The following HSPA12A variants were observed in gnomAD, a reference collection of about 807,000 sequenced individuals.
HSPA12A encodes the protein heat shock protein family A (Hsp70) member 12A.
A neutral mutation model predicts 69.2 loss-of-function variants in HSPA12A; 28 were observed. That is an observed-to-expected ratio of 0.40 (90% CI 0.30 to 0.55). The LOEUF (loss-of-function observed/expected upper bound fraction) is 0.55. HSPA12A is among the 20% of genes least tolerant of loss of function. The probability of loss-of-function intolerance (pLI) is 0.38; values close to 1 mark genes in which losing one functional copy is unlikely to be tolerated. For missense variants in HSPA12A, 686 were observed against 900.7 expected, an observed-to-expected ratio of 0.76 and a Z score of 3.05; for synonymous variants, 345 against 370.5, an observed-to-expected ratio of 0.93 and a Z score of 0.79.
chr10:116,788,633 G>T (rs1384746415), intron 2 of HSPA12A, among the ~76,000 whole-genome samples: 5 of 148,208 alleles, frequency 3.4e-5, no homozygotes, highest in Non-Finnish European at 7.4e-5. Context: ...ATAGCAATGG[G>T]ACTGTGCAAC....
upstream of HSPA12A, chr10:116,849,871 A>G: frequency 1.0e-6 from 1 of 978,402 alleles, no homozygotes; most frequent in South Asian, 1.4e-5. Flanking sequence ...TGTGCGGAGG[A>G]GACTTCTGGA....
chr10:116,839,472 A>G (rs2133220321), intron 1 of HSPA12A, among the ~76,000 whole-genome samples: 1 of 152,268 alleles, frequency 6.6e-6, no homozygotes, highest in East Asian at 1.9e-4. Context: ...TTTGACAGGG[A>G]TCACAGCTCC....
At chr10:116,749,271 C>T (rs2133083013) in intron 2 of HSPA12A, among the ~76,000 whole-genome samples, 1 of 152,324 alleles carries the variant, frequency 6.6e-6, no homozygotes. Flanking sequence ...ACTTGCTGGG[C>T]TCTTCCTACC....
intron 2 of HSPA12A, among the ~76,000 whole-genome samples, chr10:116,801,550 G>A (rs1844954634): frequency 6.6e-6 from 1 of 152,092 alleles, no homozygotes; most frequent in African/African-American, 2.4e-5. Context: ...ACGAACAGCT[G>A]CCTTGCACTG....
chr10:116,752,245 G>A (rs1346474943), intron 2 of HSPA12A, among the ~76,000 whole-genome samples: 1 of 152,212 alleles, frequency 6.6e-6, no homozygotes, highest in Non-Finnish European at 1.5e-5. Context: ...GCCCTGCCAA[G>A]AGCCTGGAGG....
At chr10:116,837,346 C>T (rs967599392) in intron 1 of HSPA12A, among the ~76,000 whole-genome samples, 4 of 152,154 alleles carry the variant, frequency 2.6e-5, no homozygotes, top group African/African-American at 7.2e-5. Flanking sequence ...CCATGCTGCC[C>T]GCTACCAATC....
intron 2 of HSPA12A, among the ~76,000 whole-genome samples, chr10:116,767,020 G>A (rs1449767924): frequency 6.6e-6 from 1 of 152,124 alleles, no homozygotes; most frequent in African/African-American, 2.4e-5. Flanking sequence ...AACGCCTGCT[G>A]GGGTCTGCCC....
intron 2 of HSPA12A, among the ~76,000 whole-genome samples, chr10:116,760,116 C>T (rs1843936931): frequency 6.6e-6 from 1 of 152,176 alleles, no homozygotes; most frequent in African/African-American, 2.4e-5. Flanking sequence ...AGAGCAGCAC[C>T]TATTTTTGCT....
chr10:116,701,186 A>C, intron 3 of HSPA12A, 57 bp from the exon 4 acceptor site: 1 of 1,559,026 alleles, frequency 6.4e-7, no homozygotes, highest in Non-Finnish European at 8.8e-7. Context: ...CAATTCAGGC[A>C]GCACAGATTT....
In HSPA12A at chr10:116,710,667, C is replaced by T. The variant is rs1850395409; in HGVS notation, c.41-3382G>A. On this transcript the variant is annotated intron_variant, in intron 1 of 11. Coordinates refer to ENST00000369209, the MANE Select transcript of HSPA12A (RefSeq NM_025015.3). The surrounding 1 kb of genome is among the most constrained non-coding windows in gnomAD (Gnocchi z 4.1). ...CATCAGAAGTTAAAATTCAGCTACA[C>T]TGTGCAATGATTGAAAACTGATCTG... 6.6e-6 allele frequency among the ~76,000 whole-genome samples: 1 copy of T among 152,208 alleles called. No individual in the cohort carries two copies. Among genetic ancestry groups the T allele is most frequent in the South Asian group, 2.1e-4 (1 of 4,824 alleles).
chr10:116,802,790 C>T (rs922426670), intron 2 of HSPA12A, among the ~76,000 whole-genome samples: 1 of 152,238 alleles, frequency 6.6e-6, no homozygotes, highest in Non-Finnish European at 1.5e-5. Context: ...GACATCCTTC[C>T]CTGCCCACTG....
intron 2 of HSPA12A, among the ~76,000 whole-genome samples, chr10:116,798,383 C>T (rs1213009703): frequency 6.6e-6 from 1 of 152,174 alleles, no homozygotes; most frequent in Non-Finnish European, 1.5e-5. Context: ...CAAGTTGGCC[C>T]CCCTGCTGGC....
At chr10:116,794,973 G>T (rs1355954533) in intron 2 of HSPA12A, among the ~76,000 whole-genome samples, 8 of 152,120 alleles carry the variant, frequency 5.3e-5, no homozygotes, top group African/African-American at 1.9e-4. Flanking sequence ...AAACTTATAA[G>T]ATGTAACTTG....
upstream of HSPA12A, among the ~76,000 whole-genome samples, chr10:116,744,348 G>T (rs1299299884): frequency 6.6e-6 from 1 of 152,202 alleles, no homozygotes; most frequent in African/African-American, 2.4e-5. Context: ...TGGCCAGGGG[G>T]GCCCTCCTCA....
At chr10:116,747,300 T>C (rs111409700), upstream of HSPA12A, among the ~76,000 whole-genome samples, 305 of 152,350 alleles carry the variant, frequency 2.0e-3, 1 homozygote, top group Non-Finnish European at 3.0e-3. Flanking sequence ...AATGTAAACT[T>C]TAGAAATGCC....
intron 1 of HSPA12A, among the ~76,000 whole-genome samples, chr10:116,711,783 C>T (rs1850439708): frequency 6.6e-6 from 1 of 151,440 alleles, no homozygotes. Context: ...CCTGCCTCAG[C>T]CTCCCGAGTA....
chr10:116,698,365 C>A, intron 5 of HSPA12A: 2 of 332,690 alleles, frequency 6.0e-6, no homozygotes, highest in African/African-American at 2.1e-5. Context: ...TTCATTTCTC[C>A]ACCCAGGAGT....
intron 2 of HSPA12A, among the ~76,000 whole-genome samples, chr10:116,758,439 G>A (rs1364174222): frequency 6.6e-6 from 1 of 152,130 alleles, no homozygotes; most frequent in East Asian, 1.9e-4. Context: ...AGTTGCCCAG[G>A]ACCACCCGGC....
At chr10:116,788,543 T>G (rs1032288512) in intron 2 of HSPA12A, among the ~76,000 whole-genome samples, 18 of 152,208 alleles carry the variant, frequency 1.2e-4, no homozygotes, top group African/African-American at 3.9e-4. Flanking sequence ...CACCAGGCTG[T>G]GATCTGTAGC....
Sources: gnomAD v4.1 joint callset for allele counts (sites outside exome capture counted in the v4.1 genomes callset) on GRCh38, gnomAD v4.1.1 for gene constraint, Gnocchi (gnomAD v3.1) non-coding constraint, MANE v1.5 for transcripts, NCBI Gene and HGNC (gene_info 2026-07-23, HGNC 2026-07-21) for gene names.